The following SEC23IP variants were observed in gnomAD, a reference collection of about 807,000 sequenced individuals.
SEC23IP encodes the protein SEC23-interacting protein.
Under a neutral mutation model 113.4 loss-of-function variants are expected in SEC23IP, and 70 were observed. That is an observed-to-expected ratio of 0.62 (90% confidence interval 0.51 to 0.75). SEC23IP has a LOEUF of 0.75. SEC23IP is among the 30% of genes least tolerant of loss of function. SEC23IP has a pLI of 0.00. For synonymous variants in SEC23IP, 398 were observed against 421.0 expected, an observed-to-expected ratio of 0.95 and a Z score of 0.67; for missense variants, 1,160 against 1,204.9, an observed-to-expected ratio of 0.96 and a Z score of 0.55.
intron 7 of SEC23IP, among the ~76,000 whole-genome samples, chr10:119,915,369 G>C (rs183189615): frequency 6.6e-6 from 1 of 152,050 alleles, no homozygotes; most frequent in Admixed American, 6.6e-5. Flanking sequence ...GTGGGGGTTG[G>C]GGGTGAAGAG....
chr10:119,917,739 T>C, intron 8 of SEC23IP, 97 bp from the exon 9 acceptor site: 1 of 807,414 alleles, frequency 1.2e-6, no homozygotes, highest in Non-Finnish European at 2.0e-6. Context: ...GGGGTTTTCT[T>C]AGTGTATTTT....
chr10:119,932,355 G>A, intron 16 of SEC23IP, 37 bp downstream of exon 16: 1 of 1,482,592 alleles, frequency 6.7e-7, no homozygotes, highest in Non-Finnish European at 9.4e-7. Flanking sequence ...TAATACAAAT[G>A]TTTCATATGA....
intron 2 of SEC23IP, among the ~76,000 whole-genome samples, chr10:119,899,465 T>G (rs1426169782): frequency 6.6e-6 from 1 of 152,234 alleles, no homozygotes; most frequent in Admixed American, 6.5e-5. Context: ...AATTCCCTTA[T>G]GCATTTTTCC....
Position 119,942,460 on chromosome 10 carries a change from A to T in SEC23IP, c.*1895A>T, listed in dbSNP as rs1046936151. The T allele has an allele frequency of 6.6e-6, 1 of 152,102 alleles. No individual in the cohort carries two copies. The highest frequency in any genetic ancestry group is 1.5e-5 in the Non-Finnish European group (1 of 68,010). 9.4% of individuals were successfully genotyped at this position (152,102 alleles called of 1,614,324 possible). ...TATGAACATATTGTTCACTGTTGTAACCACCTTGCAGGATTTCAGTCTATA... is the reference window on the plus strand; with the variant it reads ...TATGAACATATTGTTCACTGTTGTATCCACCTTGCAGGATTTCAGTCTATA... On this transcript the variant is annotated 3_prime_UTR_variant, in exon 19 of 19. Transcript: ENST00000369075.
intron 12 of SEC23IP, among the ~76,000 whole-genome samples, chr10:119,925,085 C>T (rs957370209): frequency 1.3e-5 from 2 of 152,148 alleles, no homozygotes; most frequent in African/African-American, 4.8e-5. Flanking sequence ...ATGCATAGAT[C>T]TTCAGTGTGC....
intron 14 of SEC23IP, among the ~76,000 whole-genome samples, chr10:119,930,103 A>T (rs191644811): frequency 1.5e-3 from 226 of 152,360 alleles, no homozygotes; most frequent in Admixed American, 8.9e-3. Context: ...CAATAAACTT[A>T]TCAAAAGCCT....
chr10:119,936,745 A>G (rs1855800481), intron 18 of SEC23IP, among the ~76,000 whole-genome samples: 1 of 151,840 alleles, frequency 6.6e-6, no homozygotes, highest in South Asian at 2.1e-4. Flanking sequence ...GTTTTTACTT[A>G]CATTTCTATT....
At chr10:119,931,782 G>A (rs941179381) in intron 15 of SEC23IP, among the ~76,000 whole-genome samples, 12 of 151,976 alleles carry the variant, frequency 7.9e-5, no homozygotes, top group African/African-American at 2.9e-4. Flanking sequence ...TCGATCTCCT[G>A]ACCTCGTGAT....
intron 12 of SEC23IP, among the ~76,000 whole-genome samples, chr10:119,924,397 T>C (rs1163753474): frequency 6.6e-6 from 1 of 152,070 alleles, no homozygotes; most frequent in Admixed American, 6.5e-5. Flanking sequence ...CCAGTGTGAA[T>C]GGCTTTTCTC....
intron 1 of SEC23IP, among the ~76,000 whole-genome samples, chr10:119,896,597 A>G (rs1187324170): frequency 6.6e-6 from 1 of 152,212 alleles, no homozygotes; most frequent in African/African-American, 2.4e-5. Context: ...CAAATATACA[A>G]GTGCCTGTTA....
At chr10:119,934,357 T>G (rs1855707415) in intron 18 of SEC23IP, among the ~76,000 whole-genome samples, 1 of 152,226 alleles carries the variant, frequency 6.6e-6, no homozygotes, top group African/African-American at 2.4e-5. Context: ...TCATACCTAT[T>G]GACTAGGCCT....
chr10:119,920,959 T>C lies in SEC23IP; in HGVS notation c.2096T>C (p.Phe699Ser). ...GGACCCAGAAAGAAGATAGCTAACTTTGTAGAACATAAAGCAGCCAAACTG... is the reference window on the plus strand; with the variant it reads ...GGACCCAGAAAGAAGATAGCTAACTCTGTAGAACATAAAGCAGCCAAACTG... ...PLGPRKKIAN[F>S]VEHKAAKLKK... Residue 699 changes from phenylalanine to serine, a missense_variant, in exon 12 of 19, where the codon TTT becomes TCT. Phe to Ser is a radical substitution (Grantham distance 155, BLOSUM62 -2). Transcript: ENST00000369075. 6.2e-7 allele frequency: 1 copy of C among 1,613,640 alleles called. No homozygotes were observed. The highest frequency in any genetic ancestry group is 1.3e-5 in the African/African-American group (1 of 75,052).
At position 119,920,884 on chromosome 10, in the gene SEC23IP, T is replaced by G; in HGVS notation, c.2026-5T>G. 2.5e-6 allele frequency: 4 copies of G among 1,590,690 alleles called. No individual in the cohort carries two copies. The highest frequency in any genetic ancestry group is 3.4e-6 in the Non-Finnish European group (4 of 1,160,844). On this transcript the variant is annotated splice_region_variant and splice_polypyrimidine_tract_variant and intron_variant, in intron 11 of 18. Coordinates refer to ENST00000369075, the MANE Select transcript of SEC23IP (RefSeq NM_007190.4). Reference sequence around the variant, plus strand: ...ATTAATGTGCTTGTCTGTTTCCTTTTAAAGCTTATGTGTACAGTTGATGAC... The same window carrying G: ...ATTAATGTGCTTGTCTGTTTCCTTTGAAAGCTTATGTGTACAGTTGATGAC...
intron 13 of SEC23IP, among the ~76,000 whole-genome samples, chr10:119,927,849 C>A (rs1424813660): frequency 6.6e-6 from 1 of 152,162 alleles, no homozygotes; most frequent in Non-Finnish European, 1.5e-5. Flanking sequence ...TTTATTATTT[C>A]TTCCAGTTAA....
At chr10:119,904,450 C>G in intron 4 of SEC23IP, 173 bp downstream of exon 4, 1 of 604,198 alleles carries the variant, frequency 1.7e-6, no homozygotes, top group Non-Finnish European at 2.9e-6. Context: ...AGGTGCTAAT[C>G]GTGGCATCTG....
intron 9 of SEC23IP, 110 bp downstream of exon 9, chr10:119,918,154 T>G: frequency 1.1e-6 from 1 of 936,142 alleles, no homozygotes; most frequent in Non-Finnish European, 1.6e-6. Flanking sequence ...ATTTTAAGTT[T>G]CAGAAAAGGT....
intron 5 of SEC23IP, 27 bp from the exon 6 acceptor site, chr10:119,912,017 T>G (rs760720811): frequency 3.7e-6 from 6 of 1,612,592 alleles, no homozygotes; most frequent in African/African-American, 1.3e-5. Context: ...TTAATGAGCT[T>G]TGTCATAATT....
At chr10:119,895,420 A>T (rs1322375371) in intron 1 of SEC23IP, among the ~76,000 whole-genome samples, 1 of 152,204 alleles carries the variant, frequency 6.6e-6, no homozygotes. Context: ...TCTATTTGCC[A>T]GGCACTGTTC....
Position 119,920,961 on chromosome 10 carries a change from G to T in SEC23IP, c.2098G>T (p.Val700Leu). The T allele has an allele frequency of 6.2e-7, 1 of 1,613,638 alleles. No homozygotes were observed. ...LGPRKKIANF[V>L]EHKAAKLKKA... ...ACCCAGAAAGAAGATAGCTAACTTT[G>T]TAGAACATAAAGCAGCCAAACTGGT... The change falls in exon 12 of 19, where the codon GTA becomes TTA. Residue 700 changes from valine (V) to leucine (L), a missense_variant. By Grantham distance (32) the Val-to-Leu change is conservative (BLOSUM62 1). Coordinates refer to ENST00000369075, the MANE Select transcript of SEC23IP (RefSeq NM_007190.4).
Sources: allele counts gnomAD v4.1 joint callset (sites outside exome capture counted in the v4.1 genomes callset), GRCh38; gene constraint gnomAD v4.1.1; transcripts MANE v1.5; gene names NCBI Gene and HGNC (gene_info 2026-07-23, HGNC 2026-07-21).